The following SLC5A7 variants were observed in gnomAD, a reference collection of about 807,000 sequenced individuals.
SLC5A7 encodes solute carrier family 5 member 7.
A neutral mutation model predicts 55.4 loss-of-function variants in SLC5A7; 19 were observed. The observed-to-expected ratio is 0.34, with a 90% CI of 0.24 to 0.50. SLC5A7 has a LOEUF of 0.50. SLC5A7 is among the 20% of genes least tolerant of loss of function. SLC5A7 has a pLI of 0.98. For missense variants in SLC5A7, 506 were observed against 705.3 expected (o/e 0.72, Z 3.20); for synonymous variants, 265 against 263.7 (o/e 1.00, Z -0.05).
chr2:107,994,357 G>A lies in SLC5A7; in HGVS notation c.448+1230G>A, dbSNP rs190702214. On this transcript the variant is annotated intron_variant, in intron 4 of 8. Coordinates refer to ENST00000264047, the MANE Select transcript of SLC5A7 (RefSeq NM_021815.5). Reference sequence around the variant, plus strand: ...CCAGCACTTTGGGAGGCCAAGGAGGGCGGATCACGAGGTCATGAGATCGAG... The same window carrying A: ...CCAGCACTTTGGGAGGCCAAGGAGGACGGATCACGAGGTCATGAGATCGAG... 5.6e-3 allele frequency among the ~76,000 whole-genome samples: 846 copies of A among 152,298 alleles called. 8 individuals carry two copies. Among genetic ancestry groups the A allele is most frequent in the African/African-American group, 0.02 (818 of 41,582 alleles).
At chr2:108,002,553 G>A (rs1677954949) in intron 6 of SLC5A7, among the ~76,000 whole-genome samples, 1 of 152,142 alleles carries the variant, frequency 6.6e-6, no homozygotes, top group Non-Finnish European at 1.5e-5. Context: ...TTGAAAACAG[G>A]CAGAACTTTG....
chr2:108,002,027 G>C lies in SLC5A7; in HGVS notation c.728G>C (p.Ser243Thr). The C allele has an allele frequency of 6.2e-7, 1 of 1,613,966 alleles. No homozygotes were observed. Among genetic ancestry groups the C allele is most frequent in the East Asian group, 2.2e-5 (1 of 44,880 alleles). ...DSSEVYSWLDSFLLLMLGGIP... is the reference protein window; with the variant it reads ...DSSEVYSWLDTFLLLMLGGIP... ...TCTGAAGTCTACTCTTGGCTTGATA[G>C]TTTTCTGTTGTTGGTAAGTAATGCT... Residue 243 changes from serine to threonine, a missense_variant, in exon 6 of 9, where the codon AGT (serine) becomes ACT (threonine). Around this residue, in one of 4 missense-constraint regions of SLC5A7, gnomAD observed 309 missense variants for 478.6 expected, o/e 0.65. Transcript: ENST00000264047.
chr2:108,010,198 T>C, intron 8 of SLC5A7, 34 bp from the exon 9 acceptor site: 1 of 1,595,844 alleles, frequency 6.3e-7, no homozygotes, highest in Non-Finnish European at 8.5e-7. Flanking sequence ...CAAGACACTG[T>C]GCAAAAAGCT....
chr2:108,010,762 A>G lies in SLC5A7; in HGVS notation c.1644A>G (p.Arg548=). ...KLDELALVKP[R]QSMTLSSTFT... ...ATGAACTTGCACTTGTGAAGCCACG[A>G]CAGAGCATGACCCTCAGCTCAACTT... Residue 548 remains arginine (R), a synonymous_variant, in exon 9 of 9, where the codon CGA becomes CGG. Transcript: ENST00000264047. 6 of 1,613,696 alleles carry G rather than the reference A, an allele frequency of 3.7e-6. No homozygotes were observed. The highest frequency in any genetic ancestry group is 4.2e-6 in the Non-Finnish European group (5 of 1,179,858).
chr2:107,996,587 T>G (rs968670158), intron 4 of SLC5A7, among the ~76,000 whole-genome samples: 1 of 152,148 alleles, frequency 6.6e-6, no homozygotes, highest in Non-Finnish European at 1.5e-5. Flanking sequence ...TGTATGCATT[T>G]AATAATGTGA....
At chr2:108,007,731 G>A (rs904514116) in intron 7 of SLC5A7, among the ~76,000 whole-genome samples, 2 of 152,120 alleles carry the variant, frequency 1.3e-5, no homozygotes, top group Non-Finnish European at 2.9e-5. Context: ...TTGGTCCAAT[G>A]ATCATGATAT....
At chr2:107,995,470 A>AGAGTGTGTGTGT (rs1405177003) in intron 4 of SLC5A7, among the ~76,000 whole-genome samples, 10 of 137,164 alleles carry the variant, frequency 7.3e-5, no homozygotes, top group African/African-American at 2.8e-4. Flanking sequence ...AGAGAGAGAG[A>AGAGTGTGTGTGT]GTGTGTGTGT....
At chr2:108,003,281 A>G (rs1409362421) in intron 6 of SLC5A7, among the ~76,000 whole-genome samples, 2 of 152,230 alleles carry the variant, frequency 1.3e-5, no homozygotes, top group Non-Finnish European at 2.9e-5. Context: ...GTCAATAATC[A>G]CATCATTGTC....
intron 2 of SLC5A7, among the ~76,000 whole-genome samples, chr2:107,989,289 T>C (rs919631788): frequency 3.9e-5 from 6 of 152,178 alleles, no homozygotes; most frequent in Non-Finnish European, 4.4e-5. Flanking sequence ...GGAAATGATA[T>C]CAAGTGATGC....
Position 107,988,324 on chromosome 2 carries a change from A to G in SLC5A7, c.169A>G (p.Thr57Ala). Residue 57 changes from threonine (T) to alanine (A), a missense_variant, in exon 2 of 9, where the codon ACC (threonine) becomes GCC (alanine). Physicochemically the swap from Thr to Ala is moderately conservative, Grantham distance 58. This residue lies in a region of SLC5A7 where 4 missense variants were observed against 20.6 expected (regional missense o/e 0.19). Coordinates refer to ENST00000264047, the MANE Select transcript of SLC5A7 (RefSeq NM_021815.5). ...TATTGGTTTATTGGTTGGTGGATTTACCATGACAGGTACGTTCAGACGCCG... is the reference window on the plus strand; with the variant it reads ...TATTGGTTTATTGGTTGGTGGATTTGCCATGACAGGTACGTTCAGACGCCG... Reference protein sequence around the residue: ...RDIGLLVGGFTMTATWVGGGY... With the variant: ...RDIGLLVGGFAMTATWVGGGY... The G allele has an allele frequency of 6.2e-7, 1 of 1,612,794 alleles. No individual in the cohort carries two copies. Among genetic ancestry groups the G allele is most frequent in the Non-Finnish European group, 8.5e-7 (1 of 1,178,928 alleles).
intron 6 of SLC5A7, among the ~76,000 whole-genome samples, chr2:108,003,135 C>G (rs1276952220): frequency 6.6e-6 from 1 of 152,074 alleles, no homozygotes; most frequent in Non-Finnish European, 1.5e-5. Context: ...TCTGTTGGCT[C>G]TCTTTTTTCT....
Position 108,005,993 on chromosome 2 carries a change from A to G in SLC5A7, c.742-56A>G, listed in dbSNP as rs1197638860. The G allele has an allele frequency of 2.0e-5, 32 of 1,602,446 alleles. No individual in the cohort carries two copies. The East Asian group carries it at 7.2e-4, about 36-fold the overall frequency. On this transcript the variant is annotated intron_variant, in intron 6 of 8. Coordinates refer to ENST00000264047, the MANE Select transcript of SLC5A7 (RefSeq NM_021815.5). The stretch of plus-strand genomic sequence containing the variant: ...CTATTCTAAATGTGATTGCAATAAA[A>G]CTCTTTAAAAAAATGAATAGATGTT...
Position 108,011,003 on chromosome 2 carries a change from A to C in SLC5A7, c.*142A>C. 1.1e-6 allele frequency: 1 copy of C among 890,506 alleles called. No individual in the cohort carries two copies. Among genetic ancestry groups the C allele is most frequent in the Non-Finnish European group, 1.6e-6 (1 of 643,136 alleles). The allele number at this position is 890,506 out of a possible 1,614,324, so 55.2% of individuals were successfully genotyped here. A position where few individuals can be genotyped will look rare whatever the true frequency, so the allele number is the denominator to read the frequency against. ...AAAAATTCATATAAAGTGCAATTGCACAAATACAAGCCAAGCTAGAAGGAA... is the reference window on the plus strand; with the variant it reads ...AAAAATTCATATAAAGTGCAATTGCCCAAATACAAGCCAAGCTAGAAGGAA... On this transcript the variant is annotated 3_prime_UTR_variant, in exon 9 of 9. Coordinates refer to ENST00000264047, the MANE Select transcript of SLC5A7 (RefSeq NM_021815.5).
rs990410252 is a variant in SLC5A7 at position 108,013,145 on chromosome 2, A to T, written c.*2284A>T. ...ACACTTAAATCCAGTGGGGAAAAAA[A>T]GGTTAACAGTAAAAATTTCTTCCAC... On this transcript the variant is annotated 3_prime_UTR_variant, in exon 9 of 9. Coordinates refer to ENST00000264047, the MANE Select transcript of SLC5A7 (RefSeq NM_021815.5). The T allele has an allele frequency of 2.6e-5, 4 of 152,152 alleles. No homozygotes were observed. The highest frequency in any genetic ancestry group is 1.3e-4 in the Admixed American group (2 of 15,264). The allele number at this position is 152,152 out of a possible 1,614,324, so 9.4% of individuals were successfully genotyped here.
At chr2:108,003,254 G>C (rs1677983113) in intron 6 of SLC5A7, among the ~76,000 whole-genome samples, 1 of 152,180 alleles carries the variant, frequency 6.6e-6, no homozygotes, top group Non-Finnish European at 1.5e-5. Flanking sequence ...ATGAGACTTA[G>C]AACAATTAAG....
At chr2:107,993,399 G>A (rs925268879) in intron 4 of SLC5A7, among the ~76,000 whole-genome samples, 109 of 152,276 alleles carry the variant, frequency 7.2e-4, no homozygotes, top group African/African-American at 2.4e-3. Context: ...GCTTTTATGA[G>A]TCATATATGA....
rs766421958 is a variant in SLC5A7, at chr2:107,997,960, C to G, written c.571C>G (p.Gln191Glu). ...TTCTGTGGCCTACACTGATGTCGTTCAGCTCTTTTGCATTTTTGTAGGGCT... is the reference window on the plus strand; with the variant it reads ...TTCTGTGGCCTACACTGATGTCGTTGAGCTCTTTTGCATTTTTGTAGGGCT... The part of the protein sequence containing the change: ...LYSVAYTDVV[Q>E]LFCIFVGLWI... Residue 191 changes from glutamine to glutamate, a missense_variant, in exon 5 of 9, where the codon CAG becomes GAG. This residue lies in a region of SLC5A7 where 309 missense variants were observed against 478.6 expected (regional missense o/e 0.65). Transcript: ENST00000264047. 1 of 1,613,008 alleles carries G rather than the reference C, an allele frequency of 6.2e-7. No individual in the cohort carries two copies. The highest frequency in any genetic ancestry group is 1.7e-5 in the Admixed American group (1 of 59,848).
chr2:108,010,803 C>A lies in SLC5A7; in HGVS notation c.1685C>A (p.Ala562Asp), dbSNP rs776388070. Residue 562 changes from alanine (A) to aspartate (D), a missense_variant, in exon 9 of 9, where the codon GCC becomes GAC. Physicochemically the swap from Ala to Asp is moderately radical, Grantham distance 126. This residue lies in a region of SLC5A7 where 137 missense variants were observed against 143.6 expected (regional missense o/e 0.95). Transcript: ENST00000264047. The stretch of plus-strand genomic sequence containing the variant: ...AGCTCAACTTTCACCAATAAAGAGG[C>A]CTTCCTTGATGTTGATTCCAGTCCA... ...TLSSTFTNKE[A>D]FLDVDSSPEG... 2.9e-5 allele frequency: 47 copies of A among 1,612,146 alleles called. 1 individual carries two copies. In the Middle Eastern group the frequency reaches 5.0e-4, roughly 17 times the overall value.
intron 6 of SLC5A7, among the ~76,000 whole-genome samples, chr2:108,003,253 A>G (rs1366255370): frequency 2.6e-5 from 4 of 152,222 alleles, no homozygotes; most frequent in Non-Finnish European, 5.9e-5. Context: ...GATGAGACTT[A>G]GAACAATTAA....
Sources: gnomAD v4.1 joint callset for allele counts (sites outside exome capture counted in the v4.1 genomes callset) on GRCh38, gnomAD v4.1.1 for gene constraint, gnomAD v4.1.1 regional missense constraint, MANE v1.5 for transcripts, NCBI Gene and HGNC (gene_info 2026-07-23, HGNC 2026-07-21) for gene names.